NAV2: variants seen among roughly 807,000 people sequenced by gnomAD.
NAV2 encodes the protein neuron navigator 2, also known as helicase, APC down-regulated 1.
A neutral mutation model predicts 223.2 loss-of-function variants in NAV2; 54 were observed. The ratio of observed to expected loss-of-function variants is 0.24; its 90% confidence interval spans 0.19 to 0.30. The LOEUF is 0.30. NAV2 is among the 10% of genes least tolerant of loss of function. NAV2 has a pLI of 1.00. For synonymous variants in NAV2, 1,279 were observed against 1,239.3 expected (o/e 1.03, Z -0.67); for missense variants, 2,806 against 3,147.5 (o/e 0.89, Z 2.60).
rs2063174349 is a variant in NAV2 at position 20,117,134 on chromosome 11, G to C, written c.7165-999G>C. Reference sequence around the variant, plus strand: ...CACCACATCTTGGCCCTAGCTCAGAGAGGCCCCATATTCCTGACTTACTTC... The same window carrying C: ...CACCACATCTTGGCCCTAGCTCAGACAGGCCCCATATTCCTGACTTACTTC... On this transcript the variant is annotated intron_variant, in intron 37 of 37. Transcript: ENST00000349880. Among the ~76,000 whole-genome samples the C allele has an allele frequency of 2.0e-5, 3 of 152,170 alleles. No individual in the cohort carries two copies. In the South Asian group the frequency reaches 6.2e-4, roughly 32 times the overall value.
At chr11:19,885,630 TAAAC>T (rs1565493810) in intron 5 of NAV2, among the ~76,000 whole-genome samples, 2 of 152,254 alleles carry the variant, frequency 1.3e-5, no homozygotes, top group Non-Finnish European at 2.9e-5. Flanking sequence ...AATGAAGTAT[TAAAC>T]AAATTTGCAA....
At chr11:19,500,709 A>G (rs941019611) in intron 1 of NAV2, among the ~76,000 whole-genome samples, 31 of 152,182 alleles carry the variant, frequency 2.0e-4, no homozygotes, top group African/African-American at 7.0e-4. Flanking sequence ...TATCTCTGCA[A>G]TGCACTTTAA....
At position 20,083,179 on chromosome 11, in the gene NAV2, T is replaced by A. The variant is rs745721200; in HGVS notation, c.5498T>A (p.Leu1833Gln). 2 of 1,611,432 alleles carry A rather than the reference T, an allele frequency of 1.2e-6. No individual in the cohort carries two copies. Among genetic ancestry groups the A allele is most frequent in the Non-Finnish European group, 1.7e-6 (2 of 1,178,582 alleles). ...PLLRNSHSNSLISECMDSEAE... is the reference protein window; with the variant it reads ...PLLRNSHSNSQISECMDSEAE... ...CTGAGGAATTCTCACTCCAACTCTC[T>A]GTAAGTCTGTCTGTCTAGTCAGATA... is the stretch of plus-strand genomic sequence containing the variant. Residue 1833 changes from leucine to glutamine, a missense_variant and splice_region_variant, in exon 26 of 38, where the codon CTA becomes CAA. Leu to Gln is a moderately radical substitution (Grantham distance 113, BLOSUM62 -2). Around this residue, in one of 4 missense-constraint regions of NAV2, gnomAD observed 824 missense variants for 1,069.4 expected, o/e 0.77. Coordinates refer to ENST00000349880, the MANE Select transcript of NAV2 (RefSeq NM_145117.5).
At chr11:19,821,537 T>C (rs2059382419) in intron 1 of NAV2, among the ~76,000 whole-genome samples, 1 of 152,238 alleles carries the variant, frequency 6.6e-6, no homozygotes, top group African/African-American at 2.4e-5. Context: ...TGTCTGCTGC[T>C]GCATGGGGTC....
intron 1 of NAV2, among the ~76,000 whole-genome samples, chr11:19,775,133 G>A (rs1210027907): frequency 1.3e-5 from 2 of 152,116 alleles, no homozygotes; most frequent in Non-Finnish European, 2.9e-5. Flanking sequence ...TAGCCAATAA[G>A]ATTTGTCAAG....
chr11:19,731,292 C>T (rs1031801356), intron 1 of NAV2, among the ~76,000 whole-genome samples: 2 of 152,230 alleles, frequency 1.3e-5, no homozygotes, highest in African/African-American at 2.4e-5. Flanking sequence ...GTGTTACCCA[C>T]ACCACCCTCC....
At chr11:19,816,336 C>T (rs1338018624) in intron 1 of NAV2, among the ~76,000 whole-genome samples, 1 of 152,260 alleles carries the variant, frequency 6.6e-6, no homozygotes, top group Non-Finnish European at 1.5e-5. Context: ...TGCTACACAA[C>T]TTTCCCACAA....
At position 20,118,974 on chromosome 11, in the gene NAV2, G is replaced by A. The variant is rs1158727359; in HGVS notation, c.*716G>A. On this transcript the variant is annotated 3_prime_UTR_variant, in exon 38 of 38. Transcript: ENST00000349880. ...GCCTCTGATTAATATCCGTGAGAGT[G>A]AGTGACGGAGTGAGAGTGTGAGCGA... The A allele has an allele frequency of 6.6e-6, 1 of 152,628 alleles. No homozygotes were observed. The highest frequency in any genetic ancestry group is 2.4e-5 in the African/African-American group (1 of 41,424). The allele number at this position is 152,628 out of a possible 1,614,324, so 9.5% of individuals were successfully genotyped here.
intron 4 of NAV2, among the ~76,000 whole-genome samples, chr11:19,878,939 G>T (rs567446569): frequency 6.6e-6 from 1 of 152,224 alleles, no homozygotes; most frequent in South Asian, 2.1e-4. Flanking sequence ...CCCCTTGCCA[G>T]TTAAGAAAAA....
At chr11:19,369,279 TGCATA>T (rs1317809756) in intron 1 of NAV2, among the ~76,000 whole-genome samples, 2 of 152,238 alleles carry the variant, frequency 1.3e-5, no homozygotes, top group African/African-American at 2.4e-5. Flanking sequence ...ACAGCAACTT[TGCATA>T]GCACATTGGA....
rs1024992524 is a variant in NAV2, at chr11:19,880,095, G to T, written c.738G>T (p.Gln246His). Residue 246 changes from glutamine (Q) to histidine (H), a missense_variant, in exon 5 of 38, where the codon CAG (glutamine) becomes CAT (histidine). This residue lies in a region of NAV2 where 1,167 missense variants were observed against 1,180.5 expected (regional missense o/e 0.99). Transcript: ENST00000349880. ...PCQPHQPAPH[Q>H]QSKAQAEMQS... ...AGCCTCACCAGCCAGCGCCACATCAGCAGTCAAAAGCACAAGCTGAAATGC... is the reference window on the plus strand; with the variant it reads ...AGCCTCACCAGCCAGCGCCACATCATCAGTCAAAAGCACAAGCTGAAATGC... The T allele has an allele frequency of 6.2e-7, 1 of 1,604,392 alleles. No individual in the cohort carries two copies. Among genetic ancestry groups the T allele is most frequent in the African/African-American group, 1.3e-5 (1 of 74,792 alleles).
intron 10 of NAV2, among the ~76,000 whole-genome samples, chr11:19,959,898 T>G (rs996320824): frequency 5.3e-5 from 8 of 152,186 alleles, no homozygotes; most frequent in Non-Finnish European, 8.8e-5. Flanking sequence ...GTCTGCTGTC[T>G]TGTTGGAACG....
At chr11:19,646,739 C>T (rs2047825991) in intron 1 of NAV2, among the ~76,000 whole-genome samples, 1 of 152,150 alleles carries the variant, frequency 6.6e-6, no homozygotes, top group Admixed American at 6.5e-5. Flanking sequence ...AATATAAAAC[C>T]TTTCACCTTA....
chr11:19,787,385 G>A (rs983900590), intron 1 of NAV2, among the ~76,000 whole-genome samples: 2 of 149,552 alleles, frequency 1.3e-5, no homozygotes, highest in African/African-American at 5.0e-5. Flanking sequence ...TAAAGTGTTG[G>A]GATTACAGAC....
intron 1 of NAV2, among the ~76,000 whole-genome samples, chr11:19,673,385 C>T (rs1370996253): frequency 6.6e-6 from 1 of 152,176 alleles, no homozygotes; most frequent in Admixed American, 6.5e-5. Flanking sequence ...CATCATTTGA[C>T]AGATGAGGAA....
chr11:19,355,804 C>T (rs1444091924), intron 1 of NAV2, among the ~76,000 whole-genome samples: 1 of 152,312 alleles, frequency 6.6e-6, no homozygotes, highest in African/African-American at 2.4e-5. Context: ...CAAGTCAGGG[C>T]TGCATGCCAC....
chr11:19,920,762 C>T (rs2044212014), intron 6 of NAV2, among the ~76,000 whole-genome samples: 1 of 152,148 alleles, frequency 6.6e-6, no homozygotes, highest in African/African-American at 2.4e-5. Context: ...TCGATGATTG[C>T]ATAATTCTAA....
chr11:19,412,846 A>T (rs941245634), intron 1 of NAV2, among the ~76,000 whole-genome samples: 1 of 152,238 alleles, frequency 6.6e-6, no homozygotes, highest in Admixed American at 6.5e-5. Context: ...GACCGTTAGA[A>T]GGCAAACTAA....
rs190575701 is a variant in NAV2, at chr11:19,991,842, T to A, written c.2768+7595T>A. On this transcript the variant is annotated intron_variant, in intron 11 of 37. Transcript: ENST00000349880. The stretch of plus-strand genomic sequence containing the variant: ...TTGTCTTCATCTTTTCTTGCTAGGG[T>A]CAATCAATTGACCCTCTCTCTGACT... 5.5e-4 allele frequency among the ~76,000 whole-genome samples: 83 copies of A among 152,184 alleles called. 1 individual carries two copies. The highest frequency in any genetic ancestry group is 1.8e-3 in the African/African-American group (74 of 41,538).
Sources: allele counts gnomAD v4.1 joint callset (sites outside exome capture counted in the v4.1 genomes callset), GRCh38; gene constraint gnomAD v4.1.1; regional missense constraint gnomAD v4.1.1; transcripts MANE v1.5; gene names NCBI Gene and HGNC (gene_info 2026-07-23, HGNC 2026-07-21).